The following SMIM10L3 variants were observed in gnomAD, a reference collection of about 807,000 sequenced individuals.
SMIM10L3 encodes the protein small integral membrane protein 10 like 3.
At chr7:6,331,007 G>C in the SMIM10L3 span, 1 of 1,614,134 alleles carries the variant, frequency 6.2e-7, no homozygotes, top group Non-Finnish European at 8.5e-7. Context: ...TCAACCACAG[G>C]CTTATTCATC....
the SMIM10L3 span, among the ~76,000 whole-genome samples, chr7:6,342,534 G>A: frequency 6.6e-6 from 1 of 150,770 alleles, no homozygotes; most frequent in Non-Finnish European, 1.5e-5. Flanking sequence ...GCGAGACTCT[G>A]TCTCAAAAAA....
chr7:6,343,174 C>T, the SMIM10L3 span, among the ~76,000 whole-genome samples: 2 of 151,426 alleles, frequency 1.3e-5, no homozygotes, highest in South Asian at 2.1e-4. Context: ...GTCAGGAGTT[C>T]AAGACCAGCC....
chr7:6,330,268 A>G, the SMIM10L3 span: 4 of 1,112,796 alleles, frequency 3.6e-6, no homozygotes, highest in African/African-American at 3.2e-5. Flanking sequence ...GTACAAAACT[A>G]CAGCAGGAAC....
the SMIM10L3 span, chr7:6,341,830 T>G: frequency 6.6e-6 from 1 of 151,498 alleles, no homozygotes; most frequent in South Asian, 2.1e-4. Flanking sequence ...AAACTCTGTC[T>G]CTACTAAAAA....
chr7:6,337,538 G>A, the SMIM10L3 span, among the ~76,000 whole-genome samples: 6 of 151,656 alleles, frequency 4.0e-5, no homozygotes, highest in Non-Finnish European at 7.4e-5. Flanking sequence ...GTTCAGAAAG[G>A]TGAAACATTT....
At chr7:6,347,571 T>G in the SMIM10L3 span, among the ~76,000 whole-genome samples, 2 of 151,764 alleles carry the variant, frequency 1.3e-5, no homozygotes, top group Non-Finnish European at 2.9e-5. Context: ...TCCAGGGTGC[T>G]GGGGTGTGAG....
chr7:6,332,045 G>C, the SMIM10L3 span, among the ~76,000 whole-genome samples: 4 of 151,258 alleles, frequency 2.6e-5, no homozygotes, highest in East Asian at 7.9e-4. Flanking sequence ...CCAGGAGGTG[G>C]AAGTAGCTGT....
the SMIM10L3 span, among the ~76,000 whole-genome samples, chr7:6,346,546 A>G: frequency 2.6e-5 from 4 of 152,030 alleles, no homozygotes; most frequent in Non-Finnish European, 4.4e-5. Context: ...ACGCCCAGCT[A>G]ATTTTTTGTA....
chr7:6,343,939 G>A, the SMIM10L3 span, among the ~76,000 whole-genome samples: 8 of 152,072 alleles, frequency 5.3e-5, no homozygotes, highest in Non-Finnish European at 1.0e-4. Context: ...ATGCTGGAGA[G>A]CAGTGGTGGG....
At chr7:6,337,504 G>A in the SMIM10L3 span, among the ~76,000 whole-genome samples, 1 of 151,766 alleles carries the variant, frequency 6.6e-6, no homozygotes, top group Non-Finnish European at 1.5e-5. Context: ...TTTTTAGTAA[G>A]TCCTTGTACA....
the SMIM10L3 span, chr7:6,341,728 T>C: frequency 6.7e-6 from 1 of 149,564 alleles, no homozygotes; most frequent in Admixed American, 6.7e-5. Flanking sequence ...CCAGGTGCAG[T>C]GGCTCACCCC....
the SMIM10L3 span, among the ~76,000 whole-genome samples, chr7:6,343,382 AAAT>A: frequency 8.6e-5 from 12 of 138,776 alleles, no homozygotes; most frequent in Admixed American, 2.3e-4. Flanking sequence ...CGTCTCAAAA[AAAT>A]AATAATAATT....
At chr7:6,337,073 C>CTTTTTTTTTTT in the SMIM10L3 span, among the ~76,000 whole-genome samples, 4 of 144,888 alleles carry the variant, frequency 2.8e-5, no homozygotes, top group South Asian at 2.2e-4. Context: ...TATTTTAATT[C>CTTTTTTTTTTT]TTTTTTTTTT....
chr7:6,348,544 C>T, the SMIM10L3 span: 1 of 422,794 alleles, frequency 2.4e-6, no homozygotes, highest in South Asian at 6.5e-5. Flanking sequence ...CGGGGAGGGC[C>T]GGGGGCCGGG....
At chr7:6,337,852 G>A in the SMIM10L3 span, among the ~76,000 whole-genome samples, 1 of 151,420 alleles carries the variant, frequency 6.6e-6, no homozygotes. Flanking sequence ...CACCCAGGCT[G>A]GAGTGCAGTG....
At chr7:6,340,175 G>C in the SMIM10L3 span, among the ~76,000 whole-genome samples, 1 of 152,116 alleles carries the variant, frequency 6.6e-6, no homozygotes, top group Non-Finnish European at 1.5e-5. Context: ...ATGAGCTACC[G>C]CGCCCGGCCC....
chr7:6,331,659 C>T, the SMIM10L3 span, among the ~76,000 whole-genome samples: 1 of 151,160 alleles, frequency 6.6e-6, no homozygotes, highest in Admixed American at 6.6e-5. Flanking sequence ...GGATTACAGG[C>T]GTGAGCCACC....
At chr7:6,346,459 C>G in the SMIM10L3 span, among the ~76,000 whole-genome samples, 1 of 152,076 alleles carries the variant, frequency 6.6e-6, no homozygotes, top group Non-Finnish European at 1.5e-5. Flanking sequence ...GTCTGCCTCC[C>G]AGGCTCAAGC....
the SMIM10L3 span, chr7:6,330,694 C>G: frequency 3.1e-6 from 5 of 1,613,976 alleles, no homozygotes; most frequent in Non-Finnish European, 4.2e-6. Context: ...GCGTGGCAGT[C>G]GTGACACCCG....
Sources: gnomAD v4.1 joint callset for allele counts (sites outside exome capture counted in the v4.1 genomes callset) on GRCh38, gnomAD v4.1.1 for gene constraint, MANE v1.5 for transcripts, NCBI Gene and HGNC (gene_info 2026-07-23, HGNC 2026-07-21) for gene names.